CTNNA2: variants seen among roughly 807,000 people sequenced by gnomAD.
CTNNA2 encodes the protein catenin alpha-2.
In CTNNA2, 42 loss-of-function variants were observed where a neutral mutation model predicts 101.0. The ratio of observed to expected loss-of-function variants is 0.42; its 90% CI spans 0.32 to 0.54. CTNNA2 has a LOEUF of 0.54. CTNNA2 is among the 20% of genes least tolerant of loss of function. The pLI is 0.14. For synonymous variants in CTNNA2, 450 were observed against 456.4 expected, an observed-to-expected ratio of 0.99 and a Z score of 0.18; for missense variants, 871 against 1,223.1, an observed-to-expected ratio of 0.71 and a Z score of 4.29.
intron 9 of CTNNA2, among the ~76,000 whole-genome samples, chr2:80,479,143 TTTTA>T (rs1257682522): frequency 6.6e-6 from 1 of 152,072 alleles, no homozygotes; most frequent in African/African-American, 2.4e-5. Context: ...ATTTTTAAAT[TTTTA>T]TTTATTAACA....
chr2:80,535,036 C>T (rs549656930), intron 9 of CTNNA2, among the ~76,000 whole-genome samples: 21 of 152,174 alleles, frequency 1.4e-4, no homozygotes, highest in Admixed American at 7.9e-4. Context: ...TGGGATCTAA[C>T]GGGTTGAAAT....
At chr2:80,138,243 G>C (rs963982722) in intron 7 of CTNNA2, among the ~76,000 whole-genome samples, 1 of 152,030 alleles carries the variant, frequency 6.6e-6, no homozygotes, top group Non-Finnish European at 1.5e-5. Context: ...AGTGTTGCCT[G>C]ATCACCTCTA....
chr2:80,364,114 G>A (rs532660484), intron 7 of CTNNA2, among the ~76,000 whole-genome samples: 3 of 152,202 alleles, frequency 2.0e-5, no homozygotes, highest in South Asian at 2.1e-4. Context: ...TACAGTAAGT[G>A]GGTGGTTTCC....
intron 7 of CTNNA2, among the ~76,000 whole-genome samples, chr2:79,995,234 C>A (rs1246924099): frequency 6.6e-6 from 1 of 152,126 alleles, no homozygotes; most frequent in Non-Finnish European, 1.5e-5. Context: ...TGTTTTGATA[C>A]CTGTTTGAAT....
chr2:79,550,780 C>T (rs538893123), intron 1 of CTNNA2, among the ~76,000 whole-genome samples: 91 of 152,224 alleles, frequency 6.0e-4, no homozygotes, highest in Non-Finnish European at 1.1e-3. Context: ...GACCTTACAA[C>T]GTGAATAAAC....
intron 7 of CTNNA2, among the ~76,000 whole-genome samples, chr2:80,050,977 C>T (rs1279944392): frequency 6.6e-6 from 1 of 152,200 alleles, no homozygotes; most frequent in Non-Finnish European, 1.5e-5. Flanking sequence ...CCTGCCTCCT[C>T]AGCTTCCCCA....
At chr2:79,812,414 A>C (rs763660705) in intron 3 of CTNNA2, among the ~76,000 whole-genome samples, 1 of 152,114 alleles carries the variant, frequency 6.6e-6, no homozygotes, top group Non-Finnish European at 1.5e-5. Context: ...CTCCTATTGC[A>C]TGTTTGAGGA....
At chr2:80,062,775 A>G (rs995919661) in intron 7 of CTNNA2, among the ~76,000 whole-genome samples, 4 of 139,040 alleles carry the variant, frequency 2.9e-5, no homozygotes, top group South Asian at 2.2e-4. Flanking sequence ...GCACTATCTC[A>G]GCTCACTGCA....
chr2:79,641,872 C>T (rs188959106), intron 1 of CTNNA2, among the ~76,000 whole-genome samples: 5 of 152,260 alleles, frequency 3.3e-5, no homozygotes, highest in Non-Finnish European at 5.9e-5. Context: ...ATAAAATTGG[C>T]ACGGAGTATT....
At chr2:80,499,823 A>C (rs965519673) in intron 9 of CTNNA2, among the ~76,000 whole-genome samples, 2 of 152,136 alleles carry the variant, frequency 1.3e-5, no homozygotes, top group Non-Finnish European at 2.9e-5. Context: ...TCCATCTCAA[A>C]AGAATAAAAA....
At chr2:79,846,748 G>A (rs1179619209) in intron 3 of CTNNA2, among the ~76,000 whole-genome samples, 1 of 152,170 alleles carries the variant, frequency 6.6e-6, no homozygotes, top group Non-Finnish European at 1.5e-5. Flanking sequence ...GATTTTGATA[G>A]TTATTTTCTG....
intron 6 of CTNNA2, among the ~76,000 whole-genome samples, chr2:79,898,758 A>T (rs531194620): frequency 1.3e-4 from 20 of 152,196 alleles, no homozygotes; most frequent in Admixed American, 5.2e-4. Flanking sequence ...ATTTGAGGTG[A>T]TGGCAGAACT....
At chr2:80,465,959 A>T (rs746387183) in intron 9 of CTNNA2, among the ~76,000 whole-genome samples, 2 of 152,082 alleles carry the variant, frequency 1.3e-5, no homozygotes, top group Non-Finnish European at 2.9e-5. Flanking sequence ...ATAGTTGGTT[A>T]TTTAGTGCTG....
chr2:80,594,449 TA>T (rs1696773288), intron 15 of CTNNA2, among the ~76,000 whole-genome samples: 1 of 152,102 alleles, frequency 6.6e-6, no homozygotes, highest in African/African-American at 2.4e-5. Flanking sequence ...TCTCTCATTT[TA>T]TTGGTTTCTT....
In CTNNA2 at chr2:80,146,710, G is replaced by GTTTTTTTTTTTTTT. The variant is rs34019123; in HGVS notation, c.1056+236932_1056+236945dup. Among the ~76,000 whole-genome samples, 3 of 61,744 alleles carry GTTTTTTTTTTTTTT rather than the reference G, an allele frequency of 4.9e-5. 1 individual carries two copies. Among genetic ancestry groups the GTTTTTTTTTTTTTT allele is most frequent in the South Asian group, 1.4e-3 (2 of 1,446 alleles). The allele number at this position is 61,744 out of a possible 152,430, so 40.5% of individuals were successfully genotyped here. A position where few individuals can be genotyped will look rare whatever the true frequency, so the allele number is the denominator to read the frequency against. ...TTTCTGAAGTAGGAAGTCCCCTCTG[G>GTTTTTTTTTTTTTT]TTTTTTTTTTTTTTTTTTTTTTTTT... is the stretch of plus-strand genomic sequence containing the variant. On this transcript the variant is annotated intron_variant, in intron 7 of 18. Coordinates refer to ENST00000402739, the MANE Select transcript of CTNNA2 (RefSeq NM_001282597.3).
intron 1 of CTNNA2, among the ~76,000 whole-genome samples, chr2:79,554,757 A>C (rs575144187): frequency 6.6e-6 from 1 of 152,336 alleles, no homozygotes; most frequent in African/African-American, 2.4e-5. Context: ...ACAGTTCCAC[A>C]GAAATGGAGG....
At chr2:79,735,985 C>A (rs931548709) in intron 2 of CTNNA2, among the ~76,000 whole-genome samples, 2 of 152,064 alleles carry the variant, frequency 1.3e-5, no homozygotes, top group African/African-American at 4.8e-5. Flanking sequence ...TTATTTACTT[C>A]TTTTTTAATC....
At chr2:79,801,531 G>A (rs1274792101) in intron 3 of CTNNA2, among the ~76,000 whole-genome samples, 1 of 152,192 alleles carries the variant, frequency 6.6e-6, no homozygotes, top group African/African-American at 2.4e-5. Context: ...GGCAGATGAT[G>A]TTGAGATGCA....
chr2:79,635,276 C>CA (rs1158483861), intron 1 of CTNNA2, among the ~76,000 whole-genome samples: 1 of 151,626 alleles, frequency 6.6e-6, no homozygotes, highest in Non-Finnish European at 1.5e-5. Context: ...CTAAAAAATA[C>CA]AAAAAATTAG....
Sources: allele counts gnomAD v4.1 joint callset (sites outside exome capture counted in the v4.1 genomes callset), GRCh38; gene constraint gnomAD v4.1.1; transcripts MANE v1.5; gene names NCBI Gene and HGNC (gene_info 2026-07-23, HGNC 2026-07-21).